ZDHHC21: variants seen among roughly 807,000 people sequenced by gnomAD.
The protein encoded by ZDHHC21 is palmitoyltransferase ZDHHC21.
In ZDHHC21, 15 loss-of-function variants were observed where a neutral mutation model predicts 34.6. The ratio of observed to expected loss-of-function variants is 0.43; its 90% CI spans 0.29 to 0.67. ZDHHC21 has a LOEUF of 0.67. ZDHHC21 is among the 30% of genes least tolerant of loss of function. ZDHHC21 has a pLI of 0.14. For synonymous variants in ZDHHC21, 142 were observed against 101.8 expected, an observed-to-expected ratio of 1.40 and a Z score of -2.38; for missense variants, 344 against 327.7, an observed-to-expected ratio of 1.05 and a Z score of -0.38.
chr9:14,659,975 T>G (rs1343769753), intron 6 of ZDHHC21, among the ~76,000 whole-genome samples: 1 of 152,174 alleles, frequency 6.6e-6, no homozygotes, highest in Non-Finnish European at 1.5e-5. Context: ...AGAAACAATG[T>G]CTATGATCAC....
Position 14,693,302 on chromosome 9 carries a change from G to A in ZDHHC21, c.-298C>T, listed in dbSNP as rs1839466012. Reference sequence around the variant, plus strand: ...CAGCTCTTTCCCCTCCTCCTGCCGCGCCACCTCCGCCTCCTCCGGCGCCGC... The same window carrying A: ...CAGCTCTTTCCCCTCCTCCTGCCGCACCACCTCCGCCTCCTCCGGCGCCGC... On this transcript the variant is annotated 5_prime_UTR_variant, in exon 1 of 10. Transcript: ENST00000380916. The A allele has an allele frequency of 7.2e-6, 3 of 415,428 alleles. No homozygotes were observed. Among genetic ancestry groups the A allele is most frequent in the Admixed American group, 2.7e-5 (1 of 37,652 alleles). The allele number at this position is 415,428 out of a possible 1,614,324, so 25.7% of individuals were successfully genotyped here.
chr9:14,686,525 G>A (rs1838348598), intron 2 of ZDHHC21, among the ~76,000 whole-genome samples: 1 of 152,154 alleles, frequency 6.6e-6, no homozygotes, highest in South Asian at 2.1e-4. Context: ...TTTGTGGGGG[G>A]CACAGAACCT....
chr9:14,662,361 G>T (rs1272516394), intron 5 of ZDHHC21, 35 bp from the exon 6 acceptor site: 18 of 1,501,526 alleles, frequency 1.2e-5, no homozygotes, highest in Non-Finnish European at 1.4e-5. Flanking sequence ...TTTAATGAAG[G>T]CAAGTGGGTA....
In ZDHHC21 at chr9:14,611,799, G is replaced by T. The variant is rs990362243; in HGVS notation, c.*7167C>A. The T allele has an allele frequency of 6.6e-6, 1 of 152,124 alleles. No individual in the cohort carries two copies. The highest frequency in any genetic ancestry group is 1.9e-4 in the East Asian group (1 of 5,174). The allele number at this position is 152,124 out of a possible 1,614,324, so 9.4% of individuals were successfully genotyped here. ...TGCAAGAGCCTAGCTTTGTCCTCCC[G>T]TGTTAGACTCACAATTCACTTGTCG... On this transcript the variant is annotated 3_prime_UTR_variant, in exon 10 of 10. Coordinates refer to ENST00000380916, the MANE Select transcript of ZDHHC21 (RefSeq NM_178566.6).
chr9:14,640,203 T>C (rs949934453), intron 7 of ZDHHC21, among the ~76,000 whole-genome samples, 191 bp from the exon 8 acceptor site: 2 of 150,990 alleles, frequency 1.3e-5, no homozygotes, highest in Admixed American at 1.3e-4. Flanking sequence ...TATTTTAATT[T>C]ACAATAGCAA....
In ZDHHC21 at chr9:14,631,493, G is replaced by A. The variant is rs576590026; in HGVS notation, c.621+8403C>T. ...TGCTTCACTTTCTTATCATTTGTAC[G>A]TTCTGTGAAGTAGCATTTTAAATTT... On this transcript the variant is annotated intron_variant, in intron 8 of 9. Transcript: ENST00000380916. Among the ~76,000 whole-genome samples the A allele has an allele frequency of 7.8e-4, 119 of 152,250 alleles. 1 individual carries two copies. Among genetic ancestry groups the A allele is most frequent in the African/African-American group, 2.8e-3 (116 of 41,534 alleles).
At chr9:14,605,115 G>C in the ZDHHC21 span, among the ~76,000 whole-genome samples, 1 of 151,892 alleles carries the variant, frequency 6.6e-6, no homozygotes, top group African/African-American at 2.4e-5. Context: ...ACCATCAATG[G>C]GCATTTAGGT....
intron 2 of ZDHHC21, among the ~76,000 whole-genome samples, chr9:14,685,806 A>G (rs1319720805): frequency 1.3e-5 from 2 of 152,184 alleles, no homozygotes; most frequent in Non-Finnish European, 2.9e-5. Context: ...AACCAACCCA[A>G]ATGTTCATCA....
At chr9:14,638,439 T>C (rs1197271691) in intron 8 of ZDHHC21, among the ~76,000 whole-genome samples, 1 of 151,918 alleles carries the variant, frequency 6.6e-6, no homozygotes, top group Admixed American at 6.6e-5. Context: ...ACTGTGAAAC[T>C]ACCAGAGGAA....
chr9:14,634,669 C>T (rs1210609202), intron 8 of ZDHHC21, among the ~76,000 whole-genome samples: 1 of 152,050 alleles, frequency 6.6e-6, no homozygotes, highest in Non-Finnish European at 1.5e-5. Flanking sequence ...CCCAACCAGC[C>T]AACACAAAGA....
chr9:14,685,829 AT>A, intron 2 of ZDHHC21, among the ~76,000 whole-genome samples: 1 of 152,308 alleles, frequency 6.6e-6, no homozygotes, highest in South Asian at 2.1e-4. Flanking sequence ...GATAGACTGG[AT>A]TAAGAAAATG....
intron 7 of ZDHHC21, among the ~76,000 whole-genome samples, chr9:14,646,479 C>T (rs1564281282): frequency 6.6e-6 from 1 of 151,840 alleles, no homozygotes; most frequent in African/African-American, 2.4e-5. Context: ...AAAACAGAGA[C>T]AAAAATTTGT....
chr9:14,590,207 AAG>A, the ZDHHC21 span: 1 of 152,196 alleles, frequency 6.6e-6, no homozygotes, highest in Non-Finnish European at 1.5e-5. Context: ...TGCAGAGGAA[AAG>A]AGAGTGAACA....
intron 8 of ZDHHC21, among the ~76,000 whole-genome samples, chr9:14,637,186 A>C (rs181314777): frequency 6.6e-6 from 1 of 152,172 alleles, no homozygotes; most frequent in Admixed American, 6.5e-5. Context: ...ACAGGACCCA[A>C]GTAAATAAAA....
chr9:14,679,758 G>T (rs1173033013), intron 3 of ZDHHC21, among the ~76,000 whole-genome samples: 1 of 152,046 alleles, frequency 6.6e-6, no homozygotes, highest in Non-Finnish European at 1.5e-5. Flanking sequence ...TTTTAAAAAT[G>T]AAGTACAGAA....
At chr9:14,604,039 G>C in the ZDHHC21 span, among the ~76,000 whole-genome samples, 3 of 152,018 alleles carry the variant, frequency 2.0e-5, no homozygotes, top group Non-Finnish European at 4.4e-5. Context: ...CTGGCAAATC[G>C]ATTGGACTGA....
At chr9:14,644,177 T>C (rs1829882113) in intron 7 of ZDHHC21, among the ~76,000 whole-genome samples, 1 of 152,190 alleles carries the variant, frequency 6.6e-6, no homozygotes, top group Non-Finnish European at 1.5e-5. Context: ...ATTAATTTCA[T>C]TGTCTAAAGG....
chr9:14,607,562 A>C (rs1823052365), downstream of ZDHHC21, among the ~76,000 whole-genome samples: 1 of 150,264 alleles, frequency 6.7e-6, no homozygotes, highest in Admixed American at 6.6e-5. Context: ...GTGGGAGTGA[A>C]GATTTTGGTA....
chr9:14,645,133 G>A (rs1317733686), intron 7 of ZDHHC21, among the ~76,000 whole-genome samples: 1 of 151,972 alleles, frequency 6.6e-6, no homozygotes, highest in Non-Finnish European at 1.5e-5. Flanking sequence ...GTGGTGAGAG[G>A]AGAAAATTTC....
Sources: allele counts gnomAD v4.1 joint callset (sites outside exome capture counted in the v4.1 genomes callset), GRCh38; gene constraint gnomAD v4.1.1; transcripts MANE v1.5; gene names NCBI Gene and HGNC (gene_info 2026-07-23, HGNC 2026-07-21).